The following RGL1 variants were observed in gnomAD, a reference collection of about 807,000 sequenced individuals.
RGL1 encodes ral guanine nucleotide dissociation stimulator like 1, also known as ral guanine nucleotide dissociation stimulator-like 1.
In RGL1, 24 loss-of-function variants were observed where a neutral mutation model predicts 95.2. The ratio of observed to expected loss-of-function variants is 0.25; its 90% confidence interval spans 0.18 to 0.35. The LOEUF (loss-of-function observed/expected upper bound fraction) is 0.35. RGL1 is among the 10% of genes least tolerant of loss of function. The probability of loss-of-function intolerance (pLI) is 1.00; values close to 1 mark genes in which losing one functional copy is unlikely to be tolerated. For missense variants in RGL1, 715 were observed against 936.3 expected (o/e 0.76, Z 3.08); for synonymous variants, 329 against 344.9 (o/e 0.95, Z 0.51).
intron 1 of RGL1, among the ~76,000 whole-genome samples, chr1:183,656,098 T>TTTTTC (rs1394946158): frequency 3.0e-5 from 4 of 134,836 alleles, no homozygotes; most frequent in African/African-American, 8.6e-5. Flanking sequence ...GACCAAGTTT[T>TTTTTC]TTTTCTTTTC....
chr1:183,880,011 T>G (rs1666731522), intron 4 of RGL1, among the ~76,000 whole-genome samples: 1 of 152,224 alleles, frequency 6.6e-6, no homozygotes, highest in African/African-American at 2.4e-5. Flanking sequence ...AGACATAACT[T>G]CTCTACCTAC....
In RGL1 at chr1:183,715,629, C is replaced by T. The variant is rs146701794; in HGVS notation, c.-32-26497C>T. On this transcript the variant is annotated intron_variant, in intron 1 of 18. Transcript: ENST00000304685. The stretch of plus-strand genomic sequence containing the variant: ...ATTGCTATTATTTTGCCAATTAGCC[C>T]ATGCAATCCTTAGCTCATAAACCAA... Among the ~76,000 whole-genome samples the T allele has an allele frequency of 4.1e-3, 631 of 152,210 alleles. 5 individuals carry two copies. The highest frequency in any genetic ancestry group is 0.014 in the African/African-American group (590 of 41,524).
chr1:183,880,568 C>T, intron 4 of RGL1, 48 bp from the exon 5 acceptor site: 2 of 1,584,642 alleles, frequency 1.3e-6, no homozygotes, highest in East Asian at 2.3e-5. Context: ...ATTGCTTTGC[C>T]TCCCCACAGC....
At position 183,914,002 on chromosome 1, in the gene RGL1, C is replaced by T. The variant is rs1312181653; in HGVS notation, c.1749+1734C>T. Among the ~76,000 whole-genome samples the T allele has an allele frequency of 2.6e-5, 4 of 152,220 alleles. No individual in the cohort carries two copies. In the South Asian group the frequency reaches 6.2e-4, roughly 24 times the overall value. ...CTCAACCCGGGATGTAGTCATTCTT[C>T]GTGACTTGACATACAAATTAGCTTT... is the stretch of plus-strand genomic sequence containing the variant. On this transcript the variant is annotated intron_variant, in intron 15 of 17. Coordinates refer to ENST00000360851, the MANE Select transcript of RGL1 (RefSeq NM_001297671.3).
intron 2 of RGL1, among the ~76,000 whole-genome samples, chr1:183,809,013 C>T (rs2102421888): frequency 6.6e-6 from 1 of 152,238 alleles, no homozygotes; most frequent in South Asian, 2.1e-4. Context: ...TTCTTTTCTT[C>T]ATGTCTAGAA....
At chr1:183,814,145 T>G (rs938968559) in intron 2 of RGL1, among the ~76,000 whole-genome samples, 2 of 152,170 alleles carry the variant, frequency 1.3e-5, no homozygotes, top group South Asian at 4.1e-4. Context: ...AGAACAAGCT[T>G]ACAACATTGG....
intron 17 of RGL1, among the ~76,000 whole-genome samples, chr1:183,925,560 A>G (rs998932686): frequency 1.3e-5 from 2 of 152,222 alleles, no homozygotes; most frequent in Non-Finnish European, 1.5e-5. Context: ...TTAAAAAAAT[A>G]TACATACTTT....
chr1:183,766,401 C>A (rs1297083086), intron 2 of RGL1, among the ~76,000 whole-genome samples: 4 of 151,874 alleles, frequency 2.6e-5, no homozygotes, highest in African/African-American at 9.7e-5. Flanking sequence ...ATGGTAAACA[C>A]AGCTAAAGTA....
intron 2 of RGL1, among the ~76,000 whole-genome samples, chr1:183,826,914 TTTTTC>T (rs1003097582): frequency 6.6e-5 from 10 of 152,234 alleles, no homozygotes; most frequent in Admixed American, 1.3e-4. Flanking sequence ...TGTACCTTTT[TTTTTC>T]TTTTCTTTTC....
At chr1:183,900,585 A>G (rs1462953583) in intron 11 of RGL1, among the ~76,000 whole-genome samples, 1 of 152,062 alleles carries the variant, frequency 6.6e-6, no homozygotes, top group Non-Finnish European at 1.5e-5. Flanking sequence ...GCTCACTGCA[A>G]TCTCTGCCTC....
intron 2 of RGL1, among the ~76,000 whole-genome samples, chr1:183,767,486 C>G (rs1659040318): frequency 6.6e-6 from 1 of 152,112 alleles, no homozygotes; most frequent in African/African-American, 2.4e-5. Flanking sequence ...TCCACCAACG[C>G]CCCTATACAT....
intron 3 of RGL1, among the ~76,000 whole-genome samples, chr1:183,861,695 T>G (rs1665518885): frequency 6.6e-6 from 1 of 152,220 alleles, no homozygotes; most frequent in African/African-American, 2.4e-5. Context: ...GAGCAGTTGG[T>G]CATTGGTAAG....
intron 3 of RGL1, among the ~76,000 whole-genome samples, chr1:183,863,539 TG>T (rs1261349013): frequency 6.6e-6 from 1 of 152,134 alleles, no homozygotes; most frequent in Admixed American, 6.5e-5. Context: ...CTCTGGCTAC[TG>T]GGCAGAAGCT....
intron 1 of RGL1, among the ~76,000 whole-genome samples, chr1:183,681,187 A>C (rs1046694391): frequency 6.6e-6 from 1 of 152,030 alleles, no homozygotes; most frequent in Non-Finnish European, 1.5e-5. Context: ...TCCTGATTGC[A>C]CTGGCCAGAA....
At chr1:183,707,949 T>C (rs928802633) in intron 1 of RGL1, among the ~76,000 whole-genome samples, 2 of 151,984 alleles carry the variant, frequency 1.3e-5, no homozygotes, top group Non-Finnish European at 2.9e-5. Flanking sequence ...TGAGCAAGAA[T>C]TGCAGAGGTC....
intron 1 of RGL1, among the ~76,000 whole-genome samples, chr1:183,688,190 G>C (rs953778829): frequency 1.1e-4 from 17 of 152,088 alleles, no homozygotes; most frequent in African/African-American, 4.1e-4. Flanking sequence ...TGAGGATCCA[G>C]GGCTTCATTC....
intron 1 of RGL1, among the ~76,000 whole-genome samples, chr1:183,737,119 C>A (rs1656987787): frequency 6.6e-6 from 1 of 152,128 alleles, no homozygotes; most frequent in Admixed American, 6.5e-5. Flanking sequence ...GAGTTGTGTC[C>A]TAGCACTTAC....
intron 1 of RGL1, among the ~76,000 whole-genome samples, chr1:183,688,109 T>C (rs1653724365): frequency 6.6e-6 from 1 of 152,190 alleles, no homozygotes; most frequent in African/African-American, 2.4e-5. Flanking sequence ...TGGGAAATAA[T>C]TCTTACAATT....
intron 2 of RGL1, among the ~76,000 whole-genome samples, chr1:183,795,375 A>T (rs1660646470): frequency 6.6e-6 from 1 of 152,270 alleles, no homozygotes; most frequent in South Asian, 2.1e-4. Context: ...GTGTAAAATT[A>T]CAACTGTGAT....
Sources: gnomAD v4.1 joint callset for allele counts (sites outside exome capture counted in the v4.1 genomes callset) on GRCh38, gnomAD v4.1.1 for gene constraint, MANE v1.5 for transcripts, NCBI Gene and HGNC (gene_info 2026-07-23, HGNC 2026-07-21) for gene names.